Variants in CSMD1 observed in about 807,000 individuals in gnomAD.
The protein encoded by CSMD1 is CUB and Sushi multiple domains 1.
Under a neutral mutation model 417.5 loss-of-function variants are expected in CSMD1, and 213 were observed. The ratio of observed to expected loss-of-function variants is 0.51; its 90% CI spans 0.46 to 0.57. The LOEUF (loss-of-function observed/expected upper bound fraction) is 0.57, where lower values mean the gene tolerates loss of function less well. Ranked by LOEUF, CSMD1 falls within the 20% of genes least tolerant of loss-of-function variation. The pLI, the probability that CSMD1 is intolerant of heterozygous loss-of-function variation, is 0.00. For synonymous variants in CSMD1, 2,862 were observed against 1,736.8 expected (o/e 1.65, Z -16.11); for missense variants, 6,923 against 4,529.7 (o/e 1.53, Z -15.17).
chr8:3,465,089 G>T (rs1816723212), intron 12 of CSMD1, among the ~76,000 whole-genome samples: 1 of 152,116 alleles, frequency 6.6e-6, no homozygotes, highest in Admixed American at 6.6e-5. Flanking sequence ...GCCAACTGAA[G>T]TCTAGCAAGA....
chr8:4,776,979 A>T (rs1361601493), intron 1 of CSMD1, among the ~76,000 whole-genome samples: 1 of 152,178 alleles, frequency 6.6e-6, no homozygotes, highest in African/African-American at 2.4e-5. Context: ...TGTCAATATC[A>T]ATTTAGCGTA....
intron 1 of CSMD1, among the ~76,000 whole-genome samples, chr8:4,723,810 A>C (rs867501295): frequency 6.6e-5 from 10 of 151,114 alleles, no homozygotes; most frequent in African/African-American, 2.4e-4. Context: ...ACAAAAAAAA[A>C]ACAAAACAAA....
intron 25 of CSMD1, among the ~76,000 whole-genome samples, chr8:3,295,870 T>G (rs1803924248): frequency 6.6e-6 from 1 of 152,186 alleles, no homozygotes; most frequent in Non-Finnish European, 1.5e-5. Flanking sequence ...CTTTTTGATT[T>G]AGTTCAATAA....
At chr8:3,121,088 CAACA>C (rs1324652885) in intron 41 of CSMD1, among the ~76,000 whole-genome samples, 1 of 135,230 alleles carries the variant, frequency 7.4e-6, no homozygotes, top group Non-Finnish European at 1.5e-5. Flanking sequence ...ATCCAAACAA[CAACA>C]AAAAAAAAAT....
chr8:4,798,897 G>C (rs985377196), intron 1 of CSMD1, among the ~76,000 whole-genome samples: 2 of 152,124 alleles, frequency 1.3e-5, no homozygotes, highest in African/African-American at 4.8e-5. Context: ...TAAGACCTCA[G>C]ACCAAAGTAA....
intron 2 of CSMD1, 110 bp downstream of exon 2, chr8:4,637,232 C>T (rs2617006): frequency 1.6e-5 from 15 of 957,628 alleles, no homozygotes; most frequent in South Asian, 4.9e-5. Context: ...ACGAACCCAC[C>T]GGAAGGAACC....
chr8:4,109,046 C>G (rs749558589), intron 3 of CSMD1, among the ~76,000 whole-genome samples: 4 of 152,104 alleles, frequency 2.6e-5, no homozygotes, highest in African/African-American at 9.7e-5. Flanking sequence ...TGCTCAAGTC[C>G]GTCATATAAA....
intron 46 of CSMD1, among the ~76,000 whole-genome samples, chr8:3,101,803 T>C (rs866600982): frequency 1.2e-4 from 16 of 139,112 alleles, no homozygotes; most frequent in African/African-American, 3.4e-4. Flanking sequence ...CTTTTTCTTT[T>C]TTTTTTTTTT....
chr8:3,857,018 A>G (rs2129103292), intron 5 of CSMD1, among the ~76,000 whole-genome samples: 1 of 152,322 alleles, frequency 6.6e-6, no homozygotes, highest in South Asian at 2.1e-4. Flanking sequence ...TGGCATGGCA[A>G]TGATTAGAAA....
At chr8:3,301,028 A>G (rs1173567790) in intron 25 of CSMD1, among the ~76,000 whole-genome samples, 3 of 151,910 alleles carry the variant, frequency 2.0e-5, no homozygotes, top group South Asian at 2.1e-4. Context: ...AAGAGAGACA[A>G]TGTTTAATGG....
At chr8:3,983,421 C>T (rs150685384) in intron 5 of CSMD1, among the ~76,000 whole-genome samples, 17 of 152,158 alleles carry the variant, frequency 1.1e-4, no homozygotes, top group East Asian at 9.7e-4. Context: ...TGAGCCACCG[C>T]GCCCGGCCGC....
chr8:4,021,527 C>A (rs749400329), intron 4 of CSMD1, among the ~76,000 whole-genome samples: 2 of 152,114 alleles, frequency 1.3e-5, no homozygotes, highest in African/African-American at 4.8e-5. Context: ...AGTGTGGATG[C>A]TCCAGCAAGG....
intron 11 of CSMD1, among the ~76,000 whole-genome samples, chr8:3,474,184 G>A (rs1352759351): frequency 6.6e-6 from 1 of 152,162 alleles, no homozygotes; most frequent in Non-Finnish European, 1.5e-5. Context: ...ACATCCCAAA[G>A]CTGTGCATGT....
intron 6 of CSMD1, among the ~76,000 whole-genome samples, chr8:3,750,485 A>G (rs946479495): frequency 2.0e-5 from 3 of 152,106 alleles, no homozygotes; most frequent in Non-Finnish European, 4.4e-5. Flanking sequence ...TTAGTCCCCA[A>G]ATATCAATCG....
At chr8:4,002,385 A>C (rs980364074) in intron 4 of CSMD1, among the ~76,000 whole-genome samples, 2 of 152,176 alleles carry the variant, frequency 1.3e-5, no homozygotes. Context: ...TTTAAACATA[A>C]TAGCATTTGA....
chr8:4,184,512 C>A (rs982183112), intron 3 of CSMD1, among the ~76,000 whole-genome samples: 1 of 152,022 alleles, frequency 6.6e-6, no homozygotes, highest in Non-Finnish European at 1.5e-5. Context: ...ATGTATACAC[C>A]ATGGAATACT....
At chr8:4,812,537 C>G (rs1009536290) in intron 1 of CSMD1, among the ~76,000 whole-genome samples, 2 of 152,038 alleles carry the variant, frequency 1.3e-5, no homozygotes, top group African/African-American at 4.8e-5. Context: ...ATGTTTGCAA[C>G]AAAATATCAC....
chr8:3,330,717 C>G (rs558809212), intron 23 of CSMD1, among the ~76,000 whole-genome samples: 3 of 152,196 alleles, frequency 2.0e-5, no homozygotes, highest in East Asian at 1.9e-4. Flanking sequence ...ACCCAAATAA[C>G]AAACCTGCAC....
intron 1 of CSMD1, among the ~76,000 whole-genome samples, chr8:4,822,439 G>A (rs781124048): frequency 3.4e-4 from 51 of 152,106 alleles, no homozygotes; most frequent in Middle Eastern, 3.4e-3. Flanking sequence ...CCTTTAAGAG[G>A]ATTCCAAAAA....
Sources: gnomAD v4.1 joint callset for allele counts (sites outside exome capture counted in the v4.1 genomes callset) on GRCh38, gnomAD v4.1.1 for gene constraint, MANE v1.5 for transcripts, NCBI Gene and HGNC (gene_info 2026-07-23, HGNC 2026-07-21) for gene names.